Variants in STAG2 observed in about 807,000 individuals in gnomAD.
The protein encoded by STAG2 is cohesin subunit SA-2.
STAG2 carries 14 observed loss-of-function variants against 108.1 expected under a neutral mutation model. The ratio of observed to expected loss-of-function variants is 0.13; its 90% CI spans 0.09 to 0.20. STAG2 has a LOEUF of 0.20. Ranked by LOEUF, STAG2 falls within the 10% of genes least tolerant of loss-of-function variation. The pLI, the probability that STAG2 is intolerant of heterozygous loss-of-function variation, is 1.00. For missense variants in STAG2, 440 were observed against 940.9 expected (o/e 0.47, Z 6.96); for synonymous variants, 307 against 302.7 (o/e 1.01, Z -0.15).
chrX:123,993,593 G>A (rs2055583994), intron 1 of STAG2, among the ~76,000 whole-genome samples: 1 of 110,872 alleles, frequency 9.0e-6, no homozygotes, highest in Non-Finnish European at 1.9e-5. Context: ...AGGAAGCAGG[G>A]AGAATGTTTG....
chrX:123,991,830 A>G (rs2055492043), intron 1 of STAG2, among the ~76,000 whole-genome samples: 1 of 110,481 alleles, frequency 9.1e-6, no homozygotes, highest in Non-Finnish European at 1.9e-5. Flanking sequence ...ACGCCCAGCT[A>G]ATTTTGTATT....
At chrX:124,087,770 G>A (rs943767483) in intron 30 of STAG2, among the ~76,000 whole-genome samples, 2 of 112,553 alleles carry the variant, frequency 1.8e-5, no homozygotes, top group African/African-American at 6.4e-5. Flanking sequence ...TGTGAGGAAC[G>A]TCAAAGAATT....
At chrX:123,974,526 C>T (rs2054526650) in intron 1 of STAG2, among the ~76,000 whole-genome samples, 1 of 107,815 alleles carries the variant, frequency 9.3e-6, no homozygotes, top group Non-Finnish European at 1.9e-5. Context: ...CGTGCCTGGC[C>T]CCATGATCAT....
At chrX:123,982,374 G>GT (rs1021835562) in intron 1 of STAG2, among the ~76,000 whole-genome samples, 5 of 110,229 alleles carry the variant, frequency 4.5e-5, no homozygotes, top group African/African-American at 6.6e-5. Flanking sequence ...TACTTTTTTT[G>GT]TTTTTTTGAG....
At chrX:124,011,313 G>A (rs1317341569) in intron 1 of STAG2, among the ~76,000 whole-genome samples, 7 of 111,695 alleles carry the variant, frequency 6.3e-5, no homozygotes, top group African/African-American at 2.3e-4. Flanking sequence ...TGTGTCATCT[G>A]GGAACAGAGA....
chrX:124,091,012 A>G (rs1343029443), intron 32 of STAG2, 48 bp downstream of exon 32: 1 of 902,577 alleles, frequency 1.1e-6, no homozygotes, highest in Non-Finnish European at 1.6e-6. Context: ...TCACTAATTC[A>G]TTTTAACATT....
At position 124,061,281 on chromosome X, in the gene STAG2, C is replaced by T. The variant is rs2148304386; in HGVS notation, c.1474C>T (p.Leu492=). 8.3e-7 allele frequency: 1 copy of T among 1,210,326 alleles called. No individual in the cohort carries two copies. Among genetic ancestry groups the T allele is most frequent in the Non-Finnish European group, 1.1e-6 (1 of 894,742 alleles). Residue 492 remains leucine (L), a synonymous_variant, in exon 16 of 35, where the codon CTG becomes TTG. Transcript: ENST00000371145. ...DSMWDCATEL[L]KDWECMNSLL... ...CATGTGGGACTGTGCTACTGAGCTG[C>T]TGAAAGACTGGGAATGTATGAATAG... is the stretch of plus-strand genomic sequence containing the variant.
intron 13 of STAG2, among the ~76,000 whole-genome samples, chrX:124,055,299 T>C (rs2058162354): frequency 8.9e-6 from 1 of 112,427 alleles, no homozygotes; most frequent in African/African-American, 3.2e-5. Context: ...TCCAGTATTC[T>C]TAGGCTTTTT....
At chrX:123,999,144 C>T (rs754902225) in intron 1 of STAG2, among the ~76,000 whole-genome samples, 2 of 111,515 alleles carry the variant, frequency 1.8e-5, no homozygotes, top group Admixed American at 9.5e-5. Flanking sequence ...ATCTTTCAGA[C>T]ATTTTTCTAT....
At chrX:124,076,942 AT>A (rs1428426298) in intron 26 of STAG2, among the ~76,000 whole-genome samples, 1 of 110,700 alleles carries the variant, frequency 9.0e-6, no homozygotes, top group Admixed American at 9.8e-5. Context: ...GTCTGATTTG[AT>A]TAACCATAGG....
intron 4 of STAG2, among the ~76,000 whole-genome samples, chrX:124,028,064 T>C (rs973808849): frequency 8.9e-6 from 1 of 111,899 alleles, no homozygotes; most frequent in African/African-American, 3.3e-5. Flanking sequence ...TAACATTTTA[T>C]ATTTTACTAG....
At chrX:124,035,676 T>C (rs2057495144) in intron 5 of STAG2, among the ~76,000 whole-genome samples, 1 of 112,172 alleles carries the variant, frequency 8.9e-6, no homozygotes, top group Non-Finnish European at 1.9e-5. Flanking sequence ...TCTTTACTCA[T>C]GTTTAGTGCC....
At chrX:124,029,510 C>T (rs1045354214) in intron 4 of STAG2, among the ~76,000 whole-genome samples, 4 of 110,280 alleles carry the variant, frequency 3.6e-5, no homozygotes, top group African/African-American at 1.3e-4. Context: ...AGGGCTTCAC[C>T]GTGTTGGCCA....
intron 1 of STAG2, among the ~76,000 whole-genome samples, chrX:123,967,174 G>C (rs1055041524): frequency 9.2e-6 from 1 of 109,095 alleles, no homozygotes; most frequent in Non-Finnish European, 1.9e-5. Flanking sequence ...CGGAGCCACC[G>C]TGCCTGGCCA....
intron 30 of STAG2, among the ~76,000 whole-genome samples, chrX:124,088,182 CTT>C (rs751643742): frequency 1.8e-5 from 2 of 108,830 alleles, no homozygotes; most frequent in Middle Eastern, 4.9e-3. Flanking sequence ...CTCTCTCTCT[CTT>C]TTTTTTTAGA....
rs375129229 is a variant in STAG2, at chrX:124,005,976, G to A, written c.-162-15391G>A. ...CCATCTCTGCCTTCATTTTCACATG[G>A]TGTTCTCCTTGTGTGTATGTCTCTT... On this transcript the variant is annotated intron_variant, in intron 1 of 34. Coordinates refer to ENST00000371145, the MANE Select transcript of STAG2 (RefSeq NM_001042750.2). Among the ~76,000 whole-genome samples, 72 of 111,405 alleles carry A rather than the reference G, an allele frequency of 6.5e-4. 1 individual carries two copies. In the South Asian group the frequency reaches 0.026, roughly 40 times the overall value.
At chrX:124,066,096 C>T (rs2148339980) in intron 21 of STAG2, 79 bp from the exon 22 acceptor site, 2 of 971,770 alleles carry the variant, frequency 2.1e-6, no homozygotes, top group Middle Eastern at 3.9e-4. Context: ...TGTTAACAGT[C>T]AAGTCCAAAA....
At chrX:123,995,705 A>AG (rs2055703131) in intron 1 of STAG2, among the ~76,000 whole-genome samples, 1 of 111,477 alleles carries the variant, frequency 9.0e-6, no homozygotes, top group African/African-American at 3.3e-5. Flanking sequence ...GAAAAAAAAA[A>AG]GAAATCATTA....
At position 124,051,114 on chromosome X, in the gene STAG2, T is replaced by A. The variant is rs2148225669; in HGVS notation, c.1018-7T>A. On this transcript the variant is annotated splice_region_variant and splice_polypyrimidine_tract_variant and intron_variant, in intron 11 of 34. Coordinates refer to ENST00000371145, the MANE Select transcript of STAG2 (RefSeq NM_001042750.2). ...ATTGTCTCATCTTTTTTTTTTTTTT[T>A]TTTTAGCAAGGTGAAGTAAGACTCA... The A allele has an allele frequency of 1.1e-6, 1 of 941,381 alleles. No individual in the cohort carries two copies. Among genetic ancestry groups the A allele is most frequent in the East Asian group, 3.3e-5 (1 of 30,598 alleles). 77.6% of individuals were successfully genotyped at this position (941,381 alleles called of 1,213,427 possible). A position where few individuals can be genotyped will look rare whatever the true frequency, so the allele number is the denominator to read the frequency against.
Sources: allele counts gnomAD v4.1 joint callset (sites outside exome capture counted in the v4.1 genomes callset), GRCh38; gene constraint gnomAD v4.1.1; transcripts MANE v1.5; gene names NCBI Gene and HGNC (gene_info 2026-07-23, HGNC 2026-07-21).